WDR17: variants seen among roughly 807,000 people sequenced by gnomAD.
WDR17 encodes WD repeat-containing protein 17.
WDR17 carries 143 observed loss-of-function variants against 161.7 expected under a neutral mutation model. The observed-to-expected ratio is 0.88, with a 90% CI of 0.77 to 1.02. WDR17 has a LOEUF of 1.02. Ranked by LOEUF, WDR17 falls within the 50% of genes least tolerant of loss-of-function variation. The pLI is 0.00. For missense variants in WDR17, 1,469 were observed against 1,520.9 expected, an observed-to-expected ratio of 0.97 and a Z score of 0.57; for synonymous variants, 517 against 515.6, an observed-to-expected ratio of 1.00 and a Z score of -0.04.
At chr4:176,177,708 T>G in intron 28 of WDR17, 54 bp downstream of exon 28, 1 of 1,515,658 alleles carries the variant, frequency 6.6e-7, no homozygotes, top group Admixed American at 2.5e-5. Flanking sequence ...ACATGTTTAC[T>G]TTTTGAAATA....
Position 176,084,369 on chromosome 4 carries a change from A to G in WDR17, c.-7+18290A>G, listed in dbSNP as rs1300759275. On this transcript the variant is annotated intron_variant, in intron 1 of 28. Transcript: ENST00000508596. Reference sequence around the variant, plus strand: ...TGGGGGTGCCAGGGTCTTTTTAACAACCAGCTTTCCTGGGAACTAGAGTGA... The same window carrying G: ...TGGGGGTGCCAGGGTCTTTTTAACAGCCAGCTTTCCTGGGAACTAGAGTGA... Among the ~76,000 whole-genome samples the G allele has an allele frequency of 2.0e-5, 3 of 152,040 alleles. No individual in the cohort carries two copies. In the East Asian group the frequency reaches 5.8e-4, roughly 29 times the overall value.
chr4:176,076,254 T>TATATATATATAC (rs1484407765), intron 1 of WDR17, among the ~76,000 whole-genome samples: 1 of 59,528 alleles, frequency 1.7e-5, no homozygotes, highest in African/African-American at 4.4e-5. Flanking sequence ...TATATATATA[T>TATATATATATAC]ACACACACAC....
In WDR17 at chr4:176,125,203, A is replaced by AT. The variant is rs770987250; in HGVS notation, c.640dup (p.Tyr214LeufsTer6). On this transcript the variant is annotated frameshift_variant, in exon 5 of 29. Coordinates refer to ENST00000508596, the MANE Select transcript of WDR17 (RefSeq NM_181265.4). LOFTEE classifies it high-confidence loss of function. ...TTGGAATGGGACCCACTATCTACTG[A>AT]TTATCTTCTAGTGGTTAATTTGCAT... 6.2e-7 allele frequency: 1 copy of AT among 1,614,106 alleles called. No individual in the cohort carries two copies. The highest frequency in any genetic ancestry group is 8.5e-7 in the Non-Finnish European group (1 of 1,180,008).
At chr4:176,177,412 A>G in intron 27 of WDR17, 59 bp from the exon 28 acceptor site, 3 of 1,421,232 alleles carry the variant, frequency 2.1e-6, no homozygotes, top group Non-Finnish European at 2.8e-6. Context: ...TTTCTAATCT[A>G]AACATCAAAA....
At chr4:176,084,957 G>A (rs1389742880) in intron 1 of WDR17, among the ~76,000 whole-genome samples, 1 of 151,526 alleles carries the variant, frequency 6.6e-6, no homozygotes, top group African/African-American at 2.4e-5. Context: ...CCATTAGTCA[G>A]TTTGTGTATC....
intron 18 of WDR17, among the ~76,000 whole-genome samples, chr4:176,157,005 C>T (rs907022263): frequency 2.6e-5 from 4 of 151,986 alleles, no homozygotes; most frequent in South Asian, 2.1e-4. Flanking sequence ...CCAGTATGAC[C>T]GCATATTACT....
intron 3 of WDR17, among the ~76,000 whole-genome samples, chr4:176,117,277 C>T (rs1374794447): frequency 6.6e-6 from 1 of 151,954 alleles, no homozygotes; most frequent in African/African-American, 2.4e-5. Flanking sequence ...CCAGCAATCA[C>T]AAATTCTATA....
chr4:176,153,176 G>C (rs1421108973), intron 17 of WDR17, among the ~76,000 whole-genome samples: 1 of 152,128 alleles, frequency 6.6e-6, no homozygotes, highest in East Asian at 1.9e-4. Context: ...TGAAGTTTGA[G>C]AACTACCGCC....
chr4:176,098,406 A>G (rs1447242173), intron 1 of WDR17: 1 of 152,084 alleles, frequency 6.6e-6, no homozygotes, highest in Non-Finnish European at 1.5e-5. Flanking sequence ...TATCTGCAGT[A>G]TATTACCTGT....
chr4:176,108,205 T>A (rs913467187), intron 1 of WDR17, among the ~76,000 whole-genome samples: 6 of 152,118 alleles, frequency 3.9e-5, no homozygotes, highest in Non-Finnish European at 7.3e-5. Flanking sequence ...AGATTTTATG[T>A]TATGTGTATT....
At chr4:176,120,319 T>A (rs867266959) in intron 4 of WDR17, among the ~76,000 whole-genome samples, 65 of 138,782 alleles carry the variant, frequency 4.7e-4, no homozygotes, top group African/African-American at 1.3e-3. Context: ...TATATATATA[T>A]AATACATTCA....
intron 3 of WDR17, among the ~76,000 whole-genome samples, chr4:176,116,805 T>G (rs1200691887): frequency 6.6e-6 from 1 of 151,910 alleles, no homozygotes; most frequent in African/African-American, 2.4e-5. Flanking sequence ...GTTTCCATAA[T>G]AATAGTAAAA....
At chr4:176,120,690 C>A (rs911257014) in intron 4 of WDR17, among the ~76,000 whole-genome samples, 1 of 151,466 alleles carries the variant, frequency 6.6e-6, no homozygotes, top group Non-Finnish European at 1.5e-5. Context: ...TGCTTGCTTT[C>A]CCCTCAAAAA....
At chr4:176,136,698 A>G (rs1216245006) in intron 8 of WDR17, among the ~76,000 whole-genome samples, 1 of 151,506 alleles carries the variant, frequency 6.6e-6, no homozygotes, top group African/African-American at 2.4e-5. Context: ...TCTGTATCTT[A>G]GTGTAGATAC....
rs544396412 is a variant in WDR17 at position 176,177,081 on chromosome 4, T to G, written c.3473T>G (p.Val1158Gly). The change falls in exon 27 of 29, where the codon GTG becomes GGG. Residue 1158 changes from valine to glycine, a missense_variant. Val to Gly is a moderately radical substitution (Grantham distance 109, BLOSUM62 -3). Transcript: ENST00000508596. ...AGTCAGCTATTAAAACGTCGGGAGG[T>G]GTCAGTACCTTTAAAAATTGAATAT... ...YTSQLLKRRE[V>G]SVPLKIEYLS... 112 of 1,613,822 alleles carry G rather than the reference T, an allele frequency of 6.9e-5. No homozygotes were observed. In the African/African-American group the frequency reaches 1.1e-3, roughly 16 times the overall value.
Position 176,180,357 on chromosome 4 carries a change from A to C in WDR17, c.*778A>C, listed in dbSNP as rs1216253646. On this transcript the variant is annotated 3_prime_UTR_variant, in exon 29 of 29. Transcript: ENST00000508596. ...CATGCATGGATATTAGTTTTGATTA[A>C]TGTGTACAATAATTTACACAGTATA... The C allele has an allele frequency of 6.6e-6, 1 of 152,190 alleles. No individual in the cohort carries two copies. Among genetic ancestry groups the C allele is most frequent in the Non-Finnish European group, 1.5e-5 (1 of 68,042 alleles). 9.4% of individuals were successfully genotyped at this position (152,190 alleles called of 1,614,324 possible).
At chr4:176,144,167 T>C (rs1356752172) in intron 11 of WDR17, among the ~76,000 whole-genome samples, 1 of 152,156 alleles carries the variant, frequency 6.6e-6, no homozygotes, top group Non-Finnish European at 1.5e-5. Flanking sequence ...GGGTGGGAGA[T>C]AGATAACTGC....
chr4:176,081,470 T>C (rs1688322424), intron 1 of WDR17, among the ~76,000 whole-genome samples: 1 of 152,168 alleles, frequency 6.6e-6, no homozygotes, highest in Admixed American at 6.6e-5. Flanking sequence ...CATTTTTCTT[T>C]CTGTTCCTCC....
Position 176,131,575 on chromosome 4 carries a change from A to G in WDR17, c.935A>G (p.Lys312Arg). The G allele has an allele frequency of 6.2e-7, 1 of 1,607,676 alleles. No homozygotes were observed. The highest frequency in any genetic ancestry group is 8.5e-7 in the Non-Finnish European group (1 of 1,177,322). The change falls in exon 7 of 29, where the codon AAA becomes AGA. Residue 312 changes from lysine (K) to arginine (R), a missense_variant. By Grantham distance (26) the Lys-to-Arg change is conservative (BLOSUM62 2). Transcript: ENST00000508596. ...RKKFSVQSPT[K>R]NHYTSSTSEA... is the part of the protein sequence containing the mutation. ...TTAGTTTCAGTCCAATCTCCAACCA[A>G]AAATCATTATACATCCTCAACAAGC...
Sources: gnomAD v4.1 joint callset for allele counts (sites outside exome capture counted in the v4.1 genomes callset) on GRCh38, gnomAD v4.1.1 for gene constraint, MANE v1.5 for transcripts, NCBI Gene and HGNC (gene_info 2026-07-23, HGNC 2026-07-21) for gene names.